CPXM1: variants seen among roughly 807,000 people sequenced by gnomAD.
CPXM1 encodes probable carboxypeptidase X1.
In CPXM1, 72 loss-of-function variants were observed where a neutral mutation model predicts 80.4. The observed-to-expected ratio is 0.90, with a 90% CI of 0.74 to 1.09. The LOEUF (loss-of-function observed/expected upper bound fraction) is 1.09. Ranked by LOEUF, CPXM1 falls within the 50% of genes least tolerant of loss-of-function variation. The pLI is 0.00. For missense variants in CPXM1, 892 were observed against 999.4 expected, an observed-to-expected ratio of 0.89 and a Z score of 1.45; for synonymous variants, 403 against 405.6, an observed-to-expected ratio of 0.99 and a Z score of 0.08.
At chr20:2,798,591 G>A in intron 2 of CPXM1, 54 bp from the exon 3 acceptor site, 1 of 1,568,652 alleles carries the variant, frequency 6.4e-7, no homozygotes, top group Non-Finnish European at 8.7e-7. Flanking sequence ...AGCCAGGGCA[G>A]GTGGGAAGCT....
In CPXM1 at chr20:2,796,432, C is replaced by T. The variant is rs61731570; in HGVS notation, c.1057G>A (p.Val353Met). The T allele has an allele frequency of 1.1e-5, 17 of 1,613,868 alleles. No homozygotes were observed. In the Admixed American group the frequency reaches 1.7e-4, roughly 16 times the overall value. ...PGEHELGEPE[V>M]RYVAGMHGNE... ...CCATGCATGCCAGCCACGTAGCGCA[C>T]CTCAGGCTCCCCTGGGGACACATGG... Residue 353 changes from valine to methionine, a missense_variant, in exon 9 of 14, where the codon GTG (valine) becomes ATG (methionine). Transcript: ENST00000380605. The surrounding 1 kb of genome is among the most constrained non-coding windows in gnomAD (Gnocchi z 6.8).
rs1256548446 is a variant in CPXM1, at chr20:2,798,003, A to G, written c.646T>C (p.Trp216Arg). ...CCACTGCTGTGGTTCCTACTTCCCCACCAGGTCCGACTGTCATTGCTGAAC... is the reference window on the plus strand; with the variant it reads ...CCACTGCTGTGGTTCCTACTTCCCCGCCAGGTCCGACTGTCATTGCTGAAC... ...VQFSNDSRTW[W>R]GSRNHSSGMD... Residue 216 changes from tryptophan to arginine, a missense_variant, in exon 5 of 14, where the codon TGG becomes CGG. Transcript: ENST00000380605. 1.2e-6 allele frequency: 2 copies of G among 1,613,982 alleles called. No homozygotes were observed. Among genetic ancestry groups the G allele is most frequent in the Non-Finnish European group, 1.7e-6 (2 of 1,180,004 alleles).
rs758783601 is a variant in CPXM1, at chr20:2,796,371, A to G, written c.1118T>C (p.Leu373Pro). ...GAACTCATGGCACAGGAACTGCATCAGGAGCAGAAGCAACTCCCGCCCCAG... is the reference window on the plus strand; with the variant it reads ...GAACTCATGGCACAGGAACTGCATCGGGAGCAGAAGCAACTCCCGCCCCAG... ...EALGRELLLL[L>P]MQFLCHEFLR... The change falls in exon 9 of 14, where the codon CTG (leucine) becomes CCG (proline). Residue 373 changes from leucine (L) to proline (P), a missense_variant. Coordinates refer to ENST00000380605, the MANE Select transcript of CPXM1 (RefSeq NM_019609.5). This position sits in a 1 kb window ranked among gnomAD's most constrained non-coding sequence, Gnocchi z 6.8. 1 of 1,614,104 alleles carries G rather than the reference A, an allele frequency of 6.2e-7. No homozygotes were observed. Among genetic ancestry groups the G allele is most frequent in the Non-Finnish European group, 8.5e-7 (1 of 1,180,004 alleles).
Position 2,796,373 on chromosome 20 carries a change from G to C in CPXM1, c.1116C>G (p.Leu372=). 6.2e-7 allele frequency: 1 copy of C among 1,614,092 alleles called. No homozygotes were observed. Among genetic ancestry groups the C allele is most frequent in the Non-Finnish European group, 8.5e-7 (1 of 1,180,006 alleles). The change falls in exon 9 of 14, where the codon CTC becomes CTG. Residue 372 remains leucine (L), a synonymous_variant. Coordinates refer to ENST00000380605, the MANE Select transcript of CPXM1 (RefSeq NM_019609.5). This position sits in a 1 kb window ranked among gnomAD's most constrained non-coding sequence, Gnocchi z 6.8. The part of the protein sequence containing the change: ...NEALGRELLL[L]LMQFLCHEFL... ...ACTCATGGCACAGGAACTGCATCAGGAGCAGAAGCAACTCCCGCCCCAGGG... is the reference window on the plus strand; with the variant it reads ...ACTCATGGCACAGGAACTGCATCAGCAGCAGAAGCAACTCCCGCCCCAGGG...
chr20:2,798,735 G>C lies in CPXM1; in HGVS notation c.331C>G (p.Gln111Glu). 1 of 1,611,634 alleles carries C rather than the reference G, an allele frequency of 6.2e-7. No homozygotes were observed. The highest frequency in any genetic ancestry group is 8.5e-7 in the Non-Finnish European group (1 of 1,179,052). Residue 111 changes from glutamine to glutamate, a missense_variant, in exon 2 of 14, where the codon CAA becomes GAA. Physicochemically the swap from Gln to Glu is conservative, Grantham distance 29 (BLOSUM62 2). Transcript: ENST00000380605. ...CCTGGAGAGGAAGTACCTGTTTCTT[G>C]TTTCTCAGCGGGGTCGAGGGTCCCT... The part of the protein sequence containing the change: ...PAGTLDPAEK[Q>E]ETGCPPLGLE...
intron 1 of CPXM1, among the ~76,000 whole-genome samples, chr20:2,799,304 C>T (rs943043649): frequency 1.3e-5 from 2 of 152,218 alleles, no homozygotes; most frequent in Non-Finnish European, 2.9e-5. Context: ...TGCATCTCAG[C>T]CCAGATGCCT....
At chr20:2,798,970 A>G in intron 1 of CPXM1, 77 bp from the exon 2 acceptor site, 1 of 1,469,790 alleles carries the variant, frequency 6.8e-7, no homozygotes, top group Non-Finnish European at 9.3e-7. Context: ...CCAGCCCAAG[A>G]AGACATGTGA....
chr20:2,797,206 G>C lies in CPXM1; in HGVS notation c.818C>G (p.Ala273Gly). The C allele has an allele frequency of 6.3e-7, 1 of 1,588,372 alleles. No individual in the cohort carries two copies. Among genetic ancestry groups the C allele is most frequent in the Non-Finnish European group, 8.6e-7 (1 of 1,163,834 alleles). Residue 273 changes from alanine to glycine, a missense_variant, in exon 6 of 14, where the codon GCC (alanine) becomes GGC (glycine). By Grantham distance (60) the Ala-to-Gly change is moderately conservative. Around this residue, in one of 2 missense-constraint regions of CPXM1, gnomAD observed 874 missense variants for 958.4 expected, o/e 0.91. Transcript: ENST00000380605. ...TGACTGCCCACCTGAGACTGGGCAG[G>C]CCAGGATCTCTGCCCGGAGGCAAGG... ...GAPCLRAEIL[A>G]CPVSDPNDLF...
rs757607953 is a variant in CPXM1, at chr20:2,798,819, T to C, written c.247A>G (p.Thr83Ala). The change falls in exon 2 of 14, where the codon ACT becomes GCT. Residue 83 changes from threonine to alanine, a missense_variant. Transcript: ENST00000380605. ...KVIMKKRKKL[T>A]LTRPTPLVTA... ...ACCAGTGGGGTGGGGCGAGTTAGAG[T>C]TAGCTTCTTCCGCTTCTTCATAATG... 2 of 1,613,942 alleles carry C rather than the reference T, an allele frequency of 1.2e-6. No individual in the cohort carries two copies. The highest frequency in any genetic ancestry group is 2.2e-5 in the South Asian group (2 of 91,056).
chr20:2,800,356 G>T, intron 1 of CPXM1, 45 bp downstream of exon 1: 1 of 1,462,412 alleles, frequency 6.8e-7, no homozygotes, highest in Non-Finnish European at 9.0e-7. Flanking sequence ...AGGAGAGCCG[G>T]GCAGTCGGCT....
In CPXM1 at chr20:2,800,078, A is replaced by T. The variant is rs116575841; in HGVS notation, c.172+323T>A. On this transcript the variant is annotated intron_variant, in intron 1 of 13. Coordinates refer to ENST00000380605, the MANE Select transcript of CPXM1 (RefSeq NM_019609.5). ...CCCAGCAGGGAGTTGAGGGAGTGTG[A>T]GTGTGTATATGTGTGTGTGCACTGT... Among the ~76,000 whole-genome samples the T allele has an allele frequency of 5.8e-3, 874 of 151,810 alleles. 9 individuals are homozygous for T. The highest frequency in any genetic ancestry group is 0.02 in the African/African-American group (817 of 41,438).
In CPXM1 at chr20:2,800,391, G is replaced by A; in HGVS notation, c.172+10C>T. ...TTGCGGGGGAGCGGACCGTCGGTCG[G>A]GGAACTCACCGTTAGCTGTCTCCGC... is the stretch of plus-strand genomic sequence containing the variant. On this transcript the variant is annotated intron_variant, in intron 1 of 13. Coordinates refer to ENST00000380605, the MANE Select transcript of CPXM1 (RefSeq NM_019609.5). The A allele has an allele frequency of 6.6e-7, 1 of 1,520,674 alleles. No homozygotes were observed. The highest frequency in any genetic ancestry group is 8.8e-7 in the Non-Finnish European group (1 of 1,141,998). The allele number at this position is 1,520,674 out of a possible 1,614,324, so 94.2% of individuals were successfully genotyped here. A position where few individuals can be genotyped will look rare whatever the true frequency, so the allele number is the denominator to read the frequency against.
At position 2,794,488 on chromosome 20, in the gene CPXM1, G is replaced by A. The variant is rs971254351; in HGVS notation, c.1963+49C>T. 6.8e-6 allele frequency: 11 copies of A among 1,613,138 alleles called. No homozygotes were observed. Among genetic ancestry groups the A allele is most frequent in the African/African-American group, 2.7e-5 (2 of 74,850 alleles). ...AATTAATGATCTTCTGCTTCTTCCC[G>A]AGCCTCCAGCCCTCCAGCCCCTTCC... On this transcript the variant is annotated intron_variant, in intron 13 of 13. Coordinates refer to ENST00000380605, the MANE Select transcript of CPXM1 (RefSeq NM_019609.5). The surrounding 1 kb of genome is among the most constrained non-coding windows in gnomAD (Gnocchi z 5.2).
intron 1 of CPXM1, among the ~76,000 whole-genome samples, chr20:2,800,190 CGT>C (rs1453974812): frequency 1.0e-4 from 15 of 149,736 alleles, no homozygotes; most frequent in South Asian, 4.2e-4. Flanking sequence ...AATGCGCGCG[CGT>C]GTGAGTGCAA....
chr20:2,798,237 C>G lies in CPXM1; in HGVS notation c.505G>C (p.Asp169His), dbSNP rs775880735. ...YDGAWCAEEQ[D>H]ADPWFQVDAG... ...TCCACCTGAAACCATGGATCGGCGT[C>G]CTGCTCCTCAGCACACCAGGCTCCA... The change falls in exon 4 of 14, where the codon GAC becomes CAC. Residue 169 changes from aspartate (D) to histidine (H), a missense_variant. This residue lies in a region of CPXM1 where 874 missense variants were observed against 958.4 expected (regional missense o/e 0.91). Coordinates refer to ENST00000380605, the MANE Select transcript of CPXM1 (RefSeq NM_019609.5). 8 of 1,613,904 alleles carry G rather than the reference C, an allele frequency of 5.0e-6. No individual in the cohort carries two copies. The East Asian group carries it at 1.8e-4, about 36-fold the overall frequency.
In CPXM1 at chr20:2,795,560, G is replaced by T; in HGVS notation, c.1720+39C>A. 1.2e-6 allele frequency: 2 copies of T among 1,601,350 alleles called. No homozygotes were observed. Among genetic ancestry groups the T allele is most frequent in the East Asian group, 2.2e-5 (1 of 44,612 alleles). On this transcript the variant is annotated intron_variant, in intron 11 of 13. Coordinates refer to ENST00000380605, the MANE Select transcript of CPXM1 (RefSeq NM_019609.5). This position sits in a 1 kb window ranked among gnomAD's most constrained non-coding sequence, Gnocchi z 5.4. Reference sequence around the variant, plus strand: ...CGCAGGCTGTCTTATCAGGGCGGGGGTTACGGGGCCAGGGCTAACTCCACC... The same window carrying T: ...CGCAGGCTGTCTTATCAGGGCGGGGTTTACGGGGCCAGGGCTAACTCCACC...
Position 2,796,663 on chromosome 20 carries a change from G to A in CPXM1, c.922-13C>T, listed in dbSNP as rs1298580381. The A allele has an allele frequency of 1.2e-6, 2 of 1,613,786 alleles. No homozygotes were observed. Among genetic ancestry groups the A allele is most frequent in the Admixed American group, 3.3e-5 (2 of 60,004 alleles). On this transcript the variant is annotated splice_polypyrimidine_tract_variant and intron_variant, in intron 7 of 13. Transcript: ENST00000380605. The surrounding 1 kb of genome is among the most constrained non-coding windows in gnomAD (Gnocchi z 6.8). ...CCTGCTTCATCAGCTGGTGGGCAGAGTGTAGCGTGGCATGAGGCATGGGAG... is the reference window on the plus strand; with the variant it reads ...CCTGCTTCATCAGCTGGTGGGCAGAATGTAGCGTGGCATGAGGCATGGGAG...
chr20:2,799,605 CCTCT>C (rs146436981), intron 1 of CPXM1, among the ~76,000 whole-genome samples: 7 of 150,288 alleles, frequency 4.7e-5, no homozygotes, highest in African/African-American at 1.7e-4. Flanking sequence ...TCTTGGCAGC[CCTCT>C]CTCTCTCTCT....
chr20:2,799,396 T>C (rs1004378491), intron 1 of CPXM1, among the ~76,000 whole-genome samples: 1 of 152,198 alleles, frequency 6.6e-6, no homozygotes, highest in Non-Finnish European at 1.5e-5. Flanking sequence ...GTCTGCTCTC[T>C]GGGCTCAGAT....
Sources: gnomAD v4.1 joint callset for allele counts (sites outside exome capture counted in the v4.1 genomes callset) on GRCh38, gnomAD v4.1.1 for gene constraint, gnomAD v4.1.1 regional missense constraint, Gnocchi (gnomAD v3.1) non-coding constraint, MANE v1.5 for transcripts, NCBI Gene and HGNC (gene_info 2026-07-23, HGNC 2026-07-21) for gene names.